MOBP: variants seen among roughly 807,000 people sequenced by gnomAD.
The protein encoded by MOBP is myelin-associated oligodendrocyte basic protein.
A neutral mutation model predicts 15.0 loss-of-function variants in MOBP; 5 were observed. The ratio of observed to expected loss-of-function variants is 0.33; its 90% CI spans 0.17 to 0.70. The LOEUF is 0.70. Ranked by LOEUF, MOBP falls within the 30% of genes least tolerant of loss-of-function variation. MOBP has a pLI of 0.67. For missense variants in MOBP, 188 were observed against 257.8 expected (o/e 0.73, Z 1.85); for synonymous variants, 88 against 99.0 (o/e 0.89, Z 0.66).
intron 2 of MOBP, among the ~76,000 whole-genome samples, chr3:39,500,367 C>T (rs1198696847): frequency 2.6e-5 from 4 of 152,140 alleles, no homozygotes; most frequent in East Asian, 3.9e-4. Flanking sequence ...GTATTTATTA[C>T]ACCTTAAATA....
intron 2 of MOBP, among the ~76,000 whole-genome samples, chr3:39,483,182 C>T (rs2042652713): frequency 6.6e-6 from 1 of 152,190 alleles, no homozygotes; most frequent in South Asian, 2.1e-4. Flanking sequence ...CAGGGGCTAA[C>T]ATTATGTTTG....
intron 2 of MOBP, among the ~76,000 whole-genome samples, chr3:39,491,319 A>G (rs988062179): frequency 6.6e-6 from 1 of 152,112 alleles, no homozygotes; most frequent in Non-Finnish European, 1.5e-5. Flanking sequence ...ATTCTTTTTT[A>G]TCTTCTCTGG....
chr3:39,487,554 C>G (rs1202041842), intron 2 of MOBP, among the ~76,000 whole-genome samples: 2 of 113,898 alleles, frequency 1.8e-5, no homozygotes, highest in African/African-American at 6.6e-5. Flanking sequence ...GATGGAGTCT[C>G]ATTCTGTCGC....
intron 1 of MOBP, among the ~76,000 whole-genome samples, chr3:39,478,123 A>G (rs1293871575): frequency 2.0e-5 from 3 of 152,174 alleles, no homozygotes; most frequent in Admixed American, 2.0e-4. Flanking sequence ...AGGCCTTCAC[A>G]TTTACTCACC....
intron 4 of MOBP, among the ~76,000 whole-genome samples, chr3:39,511,343 G>A (rs892336233): frequency 2.0e-5 from 3 of 152,158 alleles, no homozygotes; most frequent in African/African-American, 7.2e-5. Context: ...TGAATTATCT[G>A]TTTCCTCTAT....
chr3:39,490,924 A>C (rs1449841536), intron 2 of MOBP, among the ~76,000 whole-genome samples: 2 of 152,120 alleles, frequency 1.3e-5, no homozygotes, highest in East Asian at 3.8e-4. Flanking sequence ...GGGTTTTGAG[A>C]AATTACAGCC....
At chr3:39,508,375 T>C (rs1314367265) in intron 4 of MOBP, among the ~76,000 whole-genome samples, 2 of 152,196 alleles carry the variant, frequency 1.3e-5, no homozygotes, top group Non-Finnish European at 2.9e-5. Context: ...CCCTTCAAAA[T>C]TTCCTTATAT....
In MOBP at chr3:39,514,965, CGTGTGTGTGTGTGTGTGTGTGTGTGTGT is replaced by C. The variant is rs34912911; in HGVS notation, c.*1605_*1632del. The C allele has an allele frequency of 4.4e-5, 6 of 137,342 alleles. No individual in the cohort carries two copies. In the South Asian group the frequency reaches 9.9e-4, roughly 23 times the overall value. 8.5% of individuals were successfully genotyped at this position (137,342 alleles called of 1,614,324 possible). A position where few individuals can be genotyped will look rare whatever the true frequency, so the allele number is the denominator to read the frequency against. On this transcript the variant is annotated 3_prime_UTR_variant, in exon 5 of 5. Coordinates refer to the MOBP transcript ENST00000311042. ...TTGTGCTCCTGTGGACTGGTGTGTG[CGTGTGTGTGTGTGTGTGTGTGTGTGTGT>C]GTGTGTGTGTGTGTGTGTGTGTATG...
In MOBP at chr3:39,469,231, T is replaced by TGTGTGTGTATATACATATATAC. The variant is rs1470702040; in HGVS notation, c.-89+1491_-89+1492insGTGTGTGTATATACATATATAC. ...ATGTGTGTGTATATACATATATACA[T>TGTGTGTGTATATACATATATAC]ATGTGTGTGTATATATACATATATG... On this transcript the variant is annotated intron_variant, in intron 1 of 3. Transcript: ENST00000684792. 6.8e-4 allele frequency among the ~76,000 whole-genome samples: 84 copies of TGTGTGTGTATATACATATATAC among 123,358 alleles called. 4 individuals carry two copies. Among genetic ancestry groups the TGTGTGTGTATATACATATATAC allele is most frequent in the Admixed American group, 9.8e-4 (12 of 12,268 alleles). The allele number at this position is 123,358 out of a possible 152,430, so 80.9% of individuals were successfully genotyped here.
downstream of MOBP, among the ~76,000 whole-genome samples, chr3:39,507,854 C>T (rs1029363349): frequency 2.0e-5 from 3 of 152,218 alleles, no homozygotes; most frequent in Non-Finnish European, 4.4e-5. Context: ...TGTTCTGACT[C>T]CTCCATTTTT....
downstream of MOBP, chr3:39,528,984 A>G (rs935496702): frequency 4.6e-5 from 7 of 152,208 alleles, no homozygotes; most frequent in African/African-American, 2.4e-5. Context: ...GCCTCGTTCT[A>G]TGTTATTTTT....
chr3:39,493,956 G>A (rs1293744117), intron 2 of MOBP, among the ~76,000 whole-genome samples: 3 of 152,208 alleles, frequency 2.0e-5, no homozygotes, highest in Non-Finnish European at 4.4e-5. Flanking sequence ...CTTACCAGAG[G>A]AGGGTTCCTT....
intron 4 of MOBP, among the ~76,000 whole-genome samples, chr3:39,512,384 T>A (rs893004407): frequency 6.6e-6 from 1 of 152,086 alleles, no homozygotes; most frequent in Admixed American, 6.6e-5. Flanking sequence ...TGTCTGGAGG[T>A]CATACAGGCA....
chr3:39,489,651 T>G (rs1454094449), intron 2 of MOBP, among the ~76,000 whole-genome samples: 1 of 151,328 alleles, frequency 6.6e-6, no homozygotes, highest in African/African-American at 2.5e-5. Flanking sequence ...TACTAATATA[T>G]CTTACCTACT....
chr3:39,498,859 G>A (rs1320240132), intron 2 of MOBP, among the ~76,000 whole-genome samples: 1 of 152,142 alleles, frequency 6.6e-6, no homozygotes. Context: ...GGGAAGAAAT[G>A]ACTGGGCGGG....
At chr3:39,527,248 G>C (rs186664028), downstream of MOBP, 1 of 152,120 alleles carries the variant, frequency 6.6e-6, no homozygotes, top group Non-Finnish European at 1.5e-5. Flanking sequence ...TGTGAAGCTA[G>C]AGTTTACTAC....
chr3:39,489,768 C>G lies in MOBP; in HGVS notation c.-5+9645C>G, dbSNP rs187178851. 2.7e-3 allele frequency among the ~76,000 whole-genome samples: 415 copies of G among 152,204 alleles called. 2 individuals carry two copies. The highest frequency in any genetic ancestry group is 9.5e-3 in the African/African-American group (393 of 41,502). On this transcript the variant is annotated intron_variant, in intron 2 of 3. Transcript: ENST00000684792. ...AGGATAACAGAGGGAGCTATAAGTT[C>G]CTTCGAGCCGACTGCCACATTGACG...
At chr3:39,469,010 A>G (rs2042406532) in intron 1 of MOBP, among the ~76,000 whole-genome samples, 1 of 111,330 alleles carries the variant, frequency 9.0e-6, no homozygotes, top group African/African-American at 4.7e-5. Flanking sequence ...ATATATACAT[A>G]TATACATATG....
In MOBP at chr3:39,502,227, A is replaced by G. The variant is rs2042981374; in HGVS notation, c.158A>G (p.Tyr53Cys). The G allele has an allele frequency of 1.2e-6, 2 of 1,614,190 alleles. No homozygotes were observed. The highest frequency in any genetic ancestry group is 1.7e-6 in the Non-Finnish European group (2 of 1,180,024). ...AGCATCTGTAAGAGCGGCTGCTTCT[A>G]CCAGAAGAAAGAGGAGGACTGGATC... ...KYSICKSGCF[Y>C]QKKEEDWICC... Residue 53 changes from tyrosine to cysteine, a missense_variant, in exon 3 of 4, where the codon TAC becomes TGC. Physicochemically the swap from Tyr to Cys is radical, Grantham distance 194. This residue lies in a region of MOBP where 133 missense variants were observed against 212.5 expected (regional missense o/e 0.63). Coordinates refer to ENST00000684792, the MANE Select transcript of MOBP (RefSeq NM_001393704.1). The surrounding 1 kb of genome is among the most constrained non-coding windows in gnomAD (Gnocchi z 6.3).
Sources: allele counts gnomAD v4.1 joint callset (sites outside exome capture counted in the v4.1 genomes callset), GRCh38; gene constraint gnomAD v4.1.1; regional missense constraint gnomAD v4.1.1; non-coding constraint Gnocchi (gnomAD v3.1); transcripts MANE v1.5; gene names NCBI Gene and HGNC (gene_info 2026-07-23, HGNC 2026-07-21).